SFMBT2: variants seen among roughly 807,000 people sequenced by gnomAD.
SFMBT2 encodes Scm like with four mbt domains 2, also known as scm-like with four MBT domains protein 2.
A neutral mutation model predicts 110.1 loss-of-function variants in SFMBT2; 38 were observed. The ratio of observed to expected loss-of-function variants is 0.35; its 90% CI spans 0.27 to 0.45. SFMBT2 has a LOEUF of 0.45. Among genes scored for constraint, SFMBT2 ranks in the 20% least tolerant of loss-of-function variants. SFMBT2 has a pLI of 1.00. For missense variants in SFMBT2, 1,011 were observed against 1,094.9 expected, an observed-to-expected ratio of 0.92 and a Z score of 1.08; for synonymous variants, 425 against 425.4, an observed-to-expected ratio of 1.00 and a Z score of 0.01.
intron 1 of SFMBT2, among the ~76,000 whole-genome samples, chr10:7,398,394 T>C (rs1488217315): frequency 6.6e-6 from 1 of 152,216 alleles, no homozygotes; most frequent in Non-Finnish European, 1.5e-5. Context: ...ATCTTGAAAG[T>C]CGGTTTATTT....
chr10:7,252,855 G>A (rs1173610453), intron 7 of SFMBT2, among the ~76,000 whole-genome samples: 2 of 152,094 alleles, frequency 1.3e-5, no homozygotes, highest in African/African-American at 4.8e-5. Flanking sequence ...GTCCATTCTT[G>A]ATGGGACCCT....
chr10:7,228,715 C>G (rs1839986663), intron 9 of SFMBT2, among the ~76,000 whole-genome samples: 1 of 132,516 alleles, frequency 7.5e-6, no homozygotes, highest in Non-Finnish European at 1.6e-5. Context: ...TTCTTTCTTT[C>G]TTTCTTTCTT....
intron 10 of SFMBT2, among the ~76,000 whole-genome samples, chr10:7,227,473 C>T (rs773723016): frequency 2.6e-5 from 4 of 152,242 alleles, no homozygotes; most frequent in Admixed American, 6.5e-5. Context: ...ATAACATACA[C>T]TGCTATCAGG....
At position 7,170,963 on chromosome 10, in the gene SFMBT2, C is replaced by CT; in HGVS notation, c.2508dup (p.Asp837ArgfsTer15). 6.2e-7 allele frequency: 1 copy of CT among 1,614,214 alleles called. No individual in the cohort carries two copies. Among genetic ancestry groups the CT allele is most frequent in the Non-Finnish European group, 8.5e-7 (1 of 1,180,030 alleles). On this transcript the variant is annotated frameshift_variant, in exon 20 of 21. Coordinates refer to ENST00000397167, the MANE Select transcript of SFMBT2 (RefSeq NM_001387889.1). LOFTEE classifies it high-confidence loss of function. This position sits in a 1 kb window ranked among gnomAD's most constrained non-coding sequence, Gnocchi z 4.6. Reference sequence around the variant, plus strand: ...AATATCTTGGCCAAGGGGGCACAGTCTGTCAGCTTAATGAACCTCACCACG... The same window carrying CT: ...AATATCTTGGCCAAGGGGGCACAGTCTTGTCAGCTTAATGAACCTCACCACG...
chr10:7,268,029 T>C (rs563469875), intron 7 of SFMBT2, among the ~76,000 whole-genome samples: 3 of 152,364 alleles, frequency 2.0e-5, no homozygotes, highest in Admixed American at 6.5e-5. Context: ...TCAGTGAAAC[T>C]TGTACAATTT....
chr10:7,406,737 G>A (rs1051614013), intron 1 of SFMBT2, among the ~76,000 whole-genome samples: 1 of 152,218 alleles, frequency 6.6e-6, no homozygotes, highest in Non-Finnish European at 1.5e-5. Context: ...TTACTGAAAC[G>A]CATCTCCAGC....
intron 4 of SFMBT2, among the ~76,000 whole-genome samples, chr10:7,354,946 C>A (rs975191528): frequency 6.6e-6 from 1 of 152,144 alleles, no homozygotes; most frequent in East Asian, 1.9e-4. Context: ...CAGATAAAGA[C>A]GTAAGTCATA....
intron 4 of SFMBT2, among the ~76,000 whole-genome samples, chr10:7,311,712 T>C (rs1842862765): frequency 6.6e-6 from 1 of 152,218 alleles, no homozygotes. Context: ...ATATATAAAT[T>C]ACAATCAGAT....
chr10:7,215,841 G>A (rs1345577440), intron 11 of SFMBT2: 3 of 539,244 alleles, frequency 5.6e-6, no homozygotes, highest in Middle Eastern at 9.0e-4. Flanking sequence ...AGACAAACTC[G>A]CTAGGCGGTA....
At chr10:7,302,734 CT>C (rs1279627634) in intron 4 of SFMBT2, among the ~76,000 whole-genome samples, 5 of 152,070 alleles carry the variant, frequency 3.3e-5, no homozygotes, top group Non-Finnish European at 7.4e-5. Flanking sequence ...TATGACATAC[CT>C]TTCCCTCCTC....
intron 1 of SFMBT2, among the ~76,000 whole-genome samples, chr10:7,399,246 T>A (rs1412934351): frequency 5.9e-5 from 9 of 152,278 alleles, no homozygotes; most frequent in Middle Eastern, 6.8e-3. Flanking sequence ...TTTTGTTTTT[T>A]TTTTGAGACG....
intron 4 of SFMBT2, among the ~76,000 whole-genome samples, chr10:7,303,365 C>A (rs1318823280): frequency 1.3e-5 from 2 of 152,124 alleles, no homozygotes; most frequent in African/African-American, 4.8e-5. Flanking sequence ...GCCTTAGAAG[C>A]AGTAATTCAT....
chr10:7,397,062 A>G (rs536709567), intron 1 of SFMBT2, among the ~76,000 whole-genome samples: 1 of 152,220 alleles, frequency 6.6e-6, no homozygotes, highest in Non-Finnish European at 1.5e-5. Flanking sequence ...AATAAAAATA[A>G]AAAATAAAAT....
At chr10:7,339,733 A>G (rs187518669) in intron 4 of SFMBT2, among the ~76,000 whole-genome samples, 4 of 152,354 alleles carry the variant, frequency 2.6e-5, no homozygotes, top group Non-Finnish European at 1.5e-5. Context: ...CAACTTCGTC[A>G]TTCAGAGCAA....
At chr10:7,406,639 T>C (rs549790585) in intron 1 of SFMBT2, among the ~76,000 whole-genome samples, 86 of 152,304 alleles carry the variant, frequency 5.6e-4, no homozygotes, top group Non-Finnish European at 8.8e-4. Context: ...AGCCAGTTAT[T>C]TATAACAACC....
chr10:7,315,022 G>GGAAGAAAGAA (rs1842952521), intron 4 of SFMBT2, among the ~76,000 whole-genome samples: 2 of 112,288 alleles, frequency 1.8e-5, no homozygotes, highest in African/African-American at 3.6e-5. Flanking sequence ...AAAGAAAAGA[G>GGAAGAAAGAA]AGAGAAAGAA....
chr10:7,191,228 G>A (rs1838591770), intron 15 of SFMBT2, among the ~76,000 whole-genome samples: 1 of 152,160 alleles, frequency 6.6e-6, no homozygotes, highest in Non-Finnish European at 1.5e-5. Flanking sequence ...ACACTCAACA[G>A]CGCCTTTTCC....
chr10:7,192,103 T>C (rs909949197), intron 15 of SFMBT2, among the ~76,000 whole-genome samples: 1 of 152,158 alleles, frequency 6.6e-6, no homozygotes, highest in African/African-American at 2.4e-5. Flanking sequence ...CCCCAGACCA[T>C]GTGAGTGTGT....
chr10:7,240,986 A>G (rs371625503), intron 9 of SFMBT2, among the ~76,000 whole-genome samples: 1 of 152,172 alleles, frequency 6.6e-6, no homozygotes. Flanking sequence ...AACTCCCACA[A>G]TTCCCACATG....
Sources: allele counts gnomAD v4.1 joint callset (sites outside exome capture counted in the v4.1 genomes callset), GRCh38; gene constraint gnomAD v4.1.1; non-coding constraint Gnocchi (gnomAD v3.1); transcripts MANE v1.5; gene names NCBI Gene and HGNC (gene_info 2026-07-23, HGNC 2026-07-21).